The following CENPC variants were observed in gnomAD, a reference collection of about 807,000 sequenced individuals.
CENPC encodes the protein centromere protein C.
Under a neutral mutation model 112.1 loss-of-function variants are expected in CENPC, and 63 were observed. The ratio of observed to expected loss-of-function variants is 0.56; its 90% CI spans 0.46 to 0.69. The LOEUF is 0.69. Among genes scored for constraint, CENPC ranks in the 30% least tolerant of loss-of-function variants. The pLI is 0.00. For synonymous variants in CENPC, 333 were observed against 367.6 expected (o/e 0.91, Z 1.08); for missense variants, 1,000 against 1,103.8 (o/e 0.91, Z 1.33).
rs1029244987 is a variant in CENPC, at chr4:67,475,440, G to A, written c.2671-462C>T. On this transcript the variant is annotated intron_variant, in intron 17 of 18. Transcript: ENST00000273853. The stretch of plus-strand genomic sequence containing the variant: ...ACTGAGTTCTGCCAACAGTCTGAAC[G>A]AGACTGGAAGCAGACTGGAAGCAGA... Among the ~76,000 whole-genome samples the A allele has an allele frequency of 5.3e-5, 8 of 152,312 alleles. No individual in the cohort carries two copies. The East Asian group carries it at 1.5e-3, about 29-fold the overall frequency.
At chr4:67,478,585 C>G (rs946940495) in intron 17 of CENPC, among the ~76,000 whole-genome samples, 1 of 150,828 alleles carries the variant, frequency 6.6e-6, no homozygotes, top group Non-Finnish European at 1.5e-5. Flanking sequence ...CAAAATATAT[C>G]AAAATAGAAC....
At chr4:67,513,823 C>T (rs985341445) in intron 8 of CENPC, among the ~76,000 whole-genome samples, 1 of 151,974 alleles carries the variant, frequency 6.6e-6, no homozygotes, top group African/African-American at 2.4e-5. Context: ...CCGATACTAA[C>T]TTGTTTACTA....
intron 17 of CENPC, among the ~76,000 whole-genome samples, chr4:67,484,421 A>C (rs1018072422): frequency 1.3e-5 from 2 of 152,252 alleles, no homozygotes; most frequent in Non-Finnish European, 2.9e-5. Context: ...CGCTACTGGC[A>C]GTGGCCTGTT....
intron 5 of CENPC, among the ~76,000 whole-genome samples, 192 bp from the exon 6 acceptor site, chr4:67,519,694 T>G (rs1351057900): frequency 1.3e-5 from 2 of 152,020 alleles, no homozygotes; most frequent in Non-Finnish European, 2.9e-5. Context: ...GGGCTAAAAA[T>G]TGGTGACCTA....
chr4:67,523,289 G>A lies in CENPC; in HGVS notation c.332-3787C>T, dbSNP rs1198375615. Among the ~76,000 whole-genome samples the A allele has an allele frequency of 2.6e-5, 3 of 114,644 alleles. No homozygotes were observed. In the East Asian group the frequency reaches 9.9e-4, roughly 38 times the overall value. The allele number at this position is 114,644 out of a possible 152,430, so 75.2% of individuals were successfully genotyped here. ...GATCACGCCACTGCATTTCAGCCAG[G>A]GAGACAGAGGGAGACTCTCTCAAAA... On this transcript the variant is annotated intron_variant, in intron 5 of 18. Transcript: ENST00000273853.
intron 5 of CENPC, 105 bp from the exon 6 acceptor site, chr4:67,519,607 G>C (rs1436857670): frequency 2.6e-6 from 2 of 765,604 alleles, no homozygotes; most frequent in Non-Finnish European, 3.9e-6. Flanking sequence ...ATAGTTTTCA[G>C]AAAACTCAAA....
intron 5 of CENPC, among the ~76,000 whole-genome samples, chr4:67,520,043 G>A (rs1726176963): frequency 6.6e-6 from 1 of 152,144 alleles, no homozygotes; most frequent in Non-Finnish European, 1.5e-5. Flanking sequence ...TTTTCTGTCT[G>A]TCTCCCATAT....
chr4:67,518,212 A>G lies in CENPC; in HGVS notation c.774T>C (p.Ala258=), dbSNP rs1340465663. 6.4e-7 allele frequency: 1 copy of G among 1,558,132 alleles called. No individual in the cohort carries two copies. The highest frequency in any genetic ancestry group is 8.7e-7 in the Non-Finnish European group (1 of 1,151,688). The stretch of plus-strand genomic sequence containing the variant: ...AAAACAATGTTGAAAAACTTTTTTT[A>G]GCTTGTCGTTGAATTTCATATTCTG... ...RDSEYEIQRQ[A]KKSFSTLFLE... Residue 258 remains alanine, a synonymous_variant, in exon 7 of 19, where the codon GCT becomes GCC. Coordinates refer to ENST00000273853, the MANE Select transcript of CENPC (RefSeq NM_001812.4).
At chr4:67,530,970 G>A (rs1412513581) in intron 4 of CENPC, 56 bp from the exon 5 acceptor site, 1 of 848,282 alleles carries the variant, frequency 1.2e-6, no homozygotes, top group African/African-American at 1.8e-5. Flanking sequence ...CCAATTCAAT[G>A]AAATATATTT....
intron 18 of CENPC, among the ~76,000 whole-genome samples, chr4:67,474,513 CAT>C (rs1278758081): frequency 6.6e-6 from 1 of 152,058 alleles, no homozygotes; most frequent in Non-Finnish European, 1.5e-5. Context: ...TTACGGCTAA[CAT>C]AGCAAAATCC....
At chr4:67,528,633 C>CT (rs1318382554) in intron 5 of CENPC, among the ~76,000 whole-genome samples, 4 of 152,112 alleles carry the variant, frequency 2.6e-5, no homozygotes, top group African/African-American at 9.7e-5. Flanking sequence ...TTCTTCTATG[C>CT]TATGTTATAT....
At position 67,470,094 on chromosome 4, in the gene CENPC, C is replaced by CAG. The variant is rs1368758674; in HGVS notation, c.*2510_*2511insCT. On this transcript the variant is annotated 3_prime_UTR_variant, in exon 19 of 19. Transcript: ENST00000273853. ...GACTACTGTATCAGCCATTATAGCC[C>CAG]TAGAAGTTGGCTGAACAGTTGGCTG... 20 of 152,230 alleles carry CAG rather than the reference C, an allele frequency of 1.3e-4. No homozygotes were observed. The highest frequency in any genetic ancestry group is 4.6e-4 in the African/African-American group (19 of 41,558). The allele number at this position is 152,230 out of a possible 1,614,324, so 9.4% of individuals were successfully genotyped here. A position where few individuals can be genotyped will look rare whatever the true frequency, so the allele number is the denominator to read the frequency against.
chr4:67,500,364 G>A (rs372897130), intron 12 of CENPC, among the ~76,000 whole-genome samples: 151 of 152,150 alleles, frequency 9.9e-4, no homozygotes, highest in Middle Eastern at 6.8e-3. Context: ...ATGTGTGTGT[G>A]TATATATATA....
At chr4:67,489,925 T>G in intron 17 of CENPC, 42 bp downstream of exon 17, 1 of 1,432,908 alleles carries the variant, frequency 7.0e-7, no homozygotes, top group East Asian at 2.5e-5. Flanking sequence ...AAATCAGAGT[T>G]CTACCAAGAG....
chr4:67,531,612 G>T (rs1002244852), intron 4 of CENPC, among the ~76,000 whole-genome samples: 1 of 152,186 alleles, frequency 6.6e-6, no homozygotes, highest in Non-Finnish European at 1.5e-5. Flanking sequence ...GGCAGGGGAT[G>T]CCTATGGGAC....
chr4:67,522,979 G>A (rs916322777), intron 5 of CENPC, among the ~76,000 whole-genome samples: 1 of 151,482 alleles, frequency 6.6e-6, no homozygotes, highest in African/African-American at 2.4e-5. Flanking sequence ...CAGCCTGGGT[G>A]ATAAGGGCAA....
chr4:67,525,766 T>A (rs1251158060), intron 5 of CENPC, among the ~76,000 whole-genome samples: 1 of 152,182 alleles, frequency 6.6e-6, no homozygotes, highest in African/African-American at 2.4e-5. Context: ...AGTGTGGCAA[T>A]GCCTCAAGGA....
At chr4:67,475,175 C>T (rs1254388926) in intron 17 of CENPC, among the ~76,000 whole-genome samples, 197 bp from the exon 18 acceptor site, 1 of 152,098 alleles carries the variant, frequency 6.6e-6, no homozygotes, top group African/African-American at 2.4e-5. Context: ...GTAGGTAGGC[C>T]CAATCTAATC....
In CENPC at chr4:67,508,859, C is replaced by G; in HGVS notation, c.1859G>C (p.Ser620Thr). 1 of 1,613,588 alleles carries G rather than the reference C, an allele frequency of 6.2e-7. No homozygotes were observed. Among genetic ancestry groups the G allele is most frequent in the Non-Finnish European group, 8.5e-7 (1 of 1,179,688 alleles). ...CTTCTTAGCCAAGTCTGCCTCATCACTTTCCAATGGCTCACTCAGCGAACA... is the reference window on the plus strand; with the variant it reads ...CTTCTTAGCCAAGTCTGCCTCATCAGTTTCCAATGGCTCACTCAGCGAACA... Reference protein sequence around the residue: ...SRCSLSEPLESDEADLAKKKN... With the variant: ...SRCSLSEPLETDEADLAKKKN... Residue 620 changes from serine (S) to threonine (T), a missense_variant, in exon 10 of 19, where the codon AGT becomes ACT. Physicochemically the swap from Ser to Thr is moderately conservative, Grantham distance 58. Coordinates refer to ENST00000273853, the MANE Select transcript of CENPC (RefSeq NM_001812.4).
Sources: allele counts gnomAD v4.1 joint callset (sites outside exome capture counted in the v4.1 genomes callset), GRCh38; gene constraint gnomAD v4.1.1; transcripts MANE v1.5; gene names NCBI Gene and HGNC (gene_info 2026-07-23, HGNC 2026-07-21).